Variants in ZSWIM6 observed in about 807,000 individuals in gnomAD.
The protein encoded by ZSWIM6 is zinc finger SWIM-type containing 6, also known as zinc finger SWIM domain-containing protein 6.
Under a neutral mutation model 113.2 loss-of-function variants are expected in ZSWIM6, and 9 were observed. That is an observed-to-expected ratio of 0.08 (90% confidence interval 0.05 to 0.14). The LOEUF is 0.14. Ranked by LOEUF, ZSWIM6 falls within the 10% of genes least tolerant of loss-of-function variation. The pLI is 1.00. For synonymous variants in ZSWIM6, 611 were observed against 606.5 expected (o/e 1.01, Z -0.11); for missense variants, 1,162 against 1,552.2 (o/e 0.75, Z 4.22).
chr5:61,519,767 A>G (rs1276441285), intron 4 of ZSWIM6, among the ~76,000 whole-genome samples: 1 of 152,006 alleles, frequency 6.6e-6, no homozygotes, highest in Non-Finnish European at 1.5e-5. Context: ...GCAGTCCCCA[A>G]CCTTTTTGGC....
intron 1 of ZSWIM6, among the ~76,000 whole-genome samples, chr5:61,401,328 A>G (rs1467694321): frequency 6.6e-6 from 1 of 152,162 alleles, no homozygotes; most frequent in African/African-American, 2.4e-5. Context: ...ATACATGCCA[A>G]GATTTTTCAA....
rs1745691878 is a variant in ZSWIM6, at chr5:61,390,837, T to G, written c.676+57889T>G. 8 of 817,510 alleles carry G rather than the reference T, an allele frequency of 9.8e-6. No homozygotes were observed. The South Asian group carries it at 1.1e-4, about 11-fold the overall frequency. The allele number at this position is 817,510 out of a possible 1,614,324, so 50.6% of individuals were successfully genotyped here. The stretch of plus-strand genomic sequence containing the variant: ...TTTGGTTGGCACTGGCAAGGACTTG[T>G]GAAGGGTGAGCACTTGCTTCTTGGT... On this transcript the variant is annotated intron_variant, in intron 1 of 13. Coordinates refer to ENST00000252744, the MANE Select transcript of ZSWIM6 (RefSeq NM_020928.2).
At chr5:61,358,058 C>G (rs1052649388) in intron 1 of ZSWIM6, among the ~76,000 whole-genome samples, 1 of 152,160 alleles carries the variant, frequency 6.6e-6, no homozygotes, top group African/African-American at 2.4e-5. Flanking sequence ...TCATTTATTG[C>G]TTAAAACTAA....
intron 9 of ZSWIM6, among the ~76,000 whole-genome samples, chr5:61,532,170 C>T (rs951798366): frequency 6.6e-6 from 1 of 152,166 alleles, no homozygotes; most frequent in African/African-American, 2.4e-5. Flanking sequence ...TTGAATGTGT[C>T]ATACGCACAC....
intron 1 of ZSWIM6, among the ~76,000 whole-genome samples, chr5:61,446,024 A>G (rs1746945494): frequency 6.6e-6 from 1 of 152,234 alleles, no homozygotes; most frequent in South Asian, 2.1e-4. Flanking sequence ...CAAACGTAGT[A>G]TGAAACAAAG....
chr5:61,527,428 A>G (rs1749318150), intron 7 of ZSWIM6, among the ~76,000 whole-genome samples: 1 of 152,196 alleles, frequency 6.6e-6, no homozygotes, highest in Non-Finnish European at 1.5e-5. Flanking sequence ...TTAAAAGGCT[A>G]GAGGTTGGAG....
In ZSWIM6 at chr5:61,483,825, C is replaced by G. The variant is rs1025217992; in HGVS notation, c.1034-6961C>G. ...CCAGGAGGCAGAGCTTGCAGTGAGCCGAGATCGCACCACTGCACTCCAGCC... is the reference window on the plus strand; with the variant it reads ...CCAGGAGGCAGAGCTTGCAGTGAGCGGAGATCGCACCACTGCACTCCAGCC... On this transcript the variant is annotated intron_variant, in intron 2 of 13. Coordinates refer to ENST00000252744, the MANE Select transcript of ZSWIM6 (RefSeq NM_020928.2). 2.6e-5 allele frequency among the ~76,000 whole-genome samples: 4 copies of G among 151,042 alleles called. No individual in the cohort carries two copies. In the East Asian group the frequency reaches 7.8e-4, roughly 29 times the overall value.
chr5:61,438,093 A>G (rs1451582304), intron 1 of ZSWIM6, among the ~76,000 whole-genome samples: 2 of 152,162 alleles, frequency 1.3e-5, no homozygotes, highest in African/African-American at 2.4e-5. Flanking sequence ...CTGGCTTAGC[A>G]TATTATTTCT....
At chr5:61,509,651 G>A (rs1748724676) in intron 4 of ZSWIM6, among the ~76,000 whole-genome samples, 1 of 152,150 alleles carries the variant, frequency 6.6e-6, no homozygotes, top group South Asian at 2.1e-4. Context: ...CTGGGAGCTA[G>A]AGAGAATAAT....
chr5:61,438,995 A>C (rs930627490), intron 1 of ZSWIM6, among the ~76,000 whole-genome samples: 2 of 152,226 alleles, frequency 1.3e-5, no homozygotes, highest in African/African-American at 4.8e-5. Context: ...GCTATATTGC[A>C]AAAGGGAAAA....
intron 1 of ZSWIM6, among the ~76,000 whole-genome samples, chr5:61,413,870 G>GT (rs1746193791): frequency 7.2e-6 from 1 of 137,958 alleles, no homozygotes; most frequent in Non-Finnish European, 1.5e-5. Context: ...TGATGGGGTT[G>GT]TTTGTTTTTT....
At chr5:61,367,951 C>T (rs1561209958) in intron 1 of ZSWIM6, among the ~76,000 whole-genome samples, 1 of 152,002 alleles carries the variant, frequency 6.6e-6, no homozygotes, top group Non-Finnish European at 1.5e-5. Flanking sequence ...GGGAGGCCTC[C>T]ATCTCTACAA....
chr5:61,437,619 G>A (rs1746737157), intron 1 of ZSWIM6, among the ~76,000 whole-genome samples: 1 of 151,174 alleles, frequency 6.6e-6, no homozygotes, highest in South Asian at 2.1e-4. Flanking sequence ...CTGCTTGAGA[G>A]GCTGAGGTGG....
rs1426037781 is a variant in ZSWIM6 at position 61,526,382 on chromosome 5, G to A, written c.1823G>A (p.Arg608Gln). 15 of 1,550,352 alleles carry A rather than the reference G, an allele frequency of 9.7e-6. No individual in the cohort carries two copies. The highest frequency in any genetic ancestry group is 4.1e-5 in the African/African-American group (3 of 72,798). Reference sequence around the variant, plus strand: ...CAGCAGAAACAGTTGGAAATGTTCCGAACCCAAAAAAAAGGTGAATGTGAA... The same window carrying A: ...CAGCAGAAACAGTTGGAAATGTTCCAAACCCAAAAAAAAGGTGAATGTGAA... Reference protein sequence around the residue: ...RQQQKQLEMFRTQKKELPHKN... With the variant: ...RQQQKQLEMFQTQKKELPHKN... The change falls in exon 7 of 14, where the codon CGA becomes CAA. Residue 608 changes from arginine to glutamine, a missense_variant. This residue lies in a region of ZSWIM6 where 620 missense variants were observed against 804.6 expected (regional missense o/e 0.77). Transcript: ENST00000252744.
chr5:61,504,707 C>G (rs544770469), intron 4 of ZSWIM6, among the ~76,000 whole-genome samples: 6 of 152,122 alleles, frequency 3.9e-5, no homozygotes, highest in Non-Finnish European at 8.8e-5. Flanking sequence ...TTAGTGGACT[C>G]TTGATTGTCT....
chr5:61,517,945 C>T (rs13158857), intron 4 of ZSWIM6, among the ~76,000 whole-genome samples: 1 of 103,136 alleles, frequency 9.7e-6, no homozygotes, highest in Admixed American at 1.2e-4. Context: ...TCCCTCCCCC[C>T]ACCCCACAAC....
chr5:61,373,376 T>C (rs995894803), intron 1 of ZSWIM6, among the ~76,000 whole-genome samples: 7 of 144,976 alleles, frequency 4.8e-5, no homozygotes, highest in South Asian at 4.5e-4. Context: ...GTATTTCTTT[T>C]TTTTTTTTTT....
intron 1 of ZSWIM6, among the ~76,000 whole-genome samples, chr5:61,359,429 G>A (rs1287262506): frequency 6.6e-6 from 1 of 152,070 alleles, no homozygotes; most frequent in African/African-American, 2.4e-5. Context: ...AAATATTCTA[G>A]GGCACCTGTA....
chr5:61,487,133 A>T (rs1399547396), intron 2 of ZSWIM6, among the ~76,000 whole-genome samples: 1 of 152,112 alleles, frequency 6.6e-6, no homozygotes, highest in African/African-American at 2.4e-5. Context: ...TCCCAGCACC[A>T]TTTATTGAAA....
Sources: allele counts gnomAD v4.1 joint callset (sites outside exome capture counted in the v4.1 genomes callset), GRCh38; gene constraint gnomAD v4.1.1; regional missense constraint gnomAD v4.1.1; transcripts MANE v1.5; gene names NCBI Gene and HGNC (gene_info 2026-07-23, HGNC 2026-07-21).